Variants in AFDN observed in about 807,000 individuals in gnomAD.
The protein encoded by AFDN is afadin.
AFDN carries 68 observed loss-of-function variants against 216.6 expected under a neutral mutation model. The ratio of observed to expected loss-of-function variants is 0.31; its 90% CI spans 0.26 to 0.38. The LOEUF is 0.38. Ranked by LOEUF, AFDN falls within the 10% of genes least tolerant of loss-of-function variation. The pLI, the probability that AFDN is intolerant of heterozygous loss-of-function variation, is 1.00. For missense variants in AFDN, 2,136 were observed against 2,342.0 expected (o/e 0.91, Z 1.82); for synonymous variants, 868 against 853.7 (o/e 1.02, Z -0.29).
intron 10 of AFDN, 109 bp from the exon 11 acceptor site, chr6:167,898,096 C>A: frequency 8.4e-7 from 1 of 1,193,236 alleles, no homozygotes; most frequent in Non-Finnish European, 1.2e-6. Flanking sequence ...AAATCCAGAG[C>A]TTATTAGGTT....
rs1160408611 is a variant in AFDN at position 167,946,830 on chromosome 6, C to T, written c.3482C>T (p.Pro1161Leu). 1 of 1,612,544 alleles carries T rather than the reference C, an allele frequency of 6.2e-7. No homozygotes were observed. The highest frequency in any genetic ancestry group is 1.7e-5 in the Admixed American group (1 of 59,642). ...CTGCCTTGGGCAGAATATAGTGAAC[C>T]AAAGAAATTGCCTGGTGATGACAGA... is the stretch of plus-strand genomic sequence containing the variant. ...PQLPWAEYSEPKKLPGDDRLM... is the reference protein window; with the variant it reads ...PQLPWAEYSELKKLPGDDRLM... The change falls in exon 27 of 34, where the codon CCA (proline) becomes CTA (leucine). Residue 1161 changes from proline to leucine, a missense_variant. Coordinates refer to ENST00000683244, the MANE Select transcript of AFDN (RefSeq NM_001386888.1).
chr6:167,864,163 G>A (rs1040561707), intron 1 of AFDN, among the ~76,000 whole-genome samples: 2 of 152,034 alleles, frequency 1.3e-5, no homozygotes, highest in African/African-American at 4.8e-5. Flanking sequence ...CTCGAGCACC[G>A]AACTCAACTC....
At chr6:167,967,744 G>A (rs1562359020) in intron 32 of AFDN, among the ~76,000 whole-genome samples, 1 of 152,212 alleles carries the variant, frequency 6.6e-6, no homozygotes, top group East Asian at 1.9e-4. Context: ...CCTCTTTGAA[G>A]ACTTCTTCGT....
intron 17 of AFDN, 55 bp from the exon 18 acceptor site, chr6:167,914,589 C>A: frequency 7.9e-7 from 1 of 1,272,308 alleles, no homozygotes. Flanking sequence ...GATAACATGT[C>A]TGACAATAGC....
chr6:167,864,489 C>CA (rs1783955582), intron 1 of AFDN, 62 bp from the exon 2 acceptor site: 1 of 1,462,972 alleles, frequency 6.8e-7, no homozygotes. Flanking sequence ...TTTATTATTA[C>CA]AAAAAGTGAA....
At chr6:167,866,764 G>A (rs982589707) in intron 2 of AFDN, among the ~76,000 whole-genome samples, 1 of 152,166 alleles carries the variant, frequency 6.6e-6, no homozygotes. Context: ...CAGAAGAGAC[G>A]CTGTGCAGTT....
chr6:167,874,559 T>TA (rs898859559), intron 4 of AFDN, among the ~76,000 whole-genome samples: 9 of 151,340 alleles, frequency 5.9e-5, no homozygotes, highest in Non-Finnish European at 8.9e-5. Context: ...TTTTAGGTGT[T>TA]AAAAAAAATC....
At chr6:167,842,717 A>G (rs1023105676) in intron 1 of AFDN, among the ~76,000 whole-genome samples, 3 of 152,132 alleles carry the variant, frequency 2.0e-5, no homozygotes, top group African/African-American at 7.2e-5. Context: ...TCTGGACTGC[A>G]TATTTCTAGG....
At chr6:167,841,037 C>CT (rs1213384259) in intron 1 of AFDN, among the ~76,000 whole-genome samples, 1 of 152,012 alleles carries the variant, frequency 6.6e-6, no homozygotes, top group African/African-American at 2.4e-5. Flanking sequence ...AAGGCCTGAA[C>CT]TAAGGTAACA....
chr6:167,960,368 G>A (rs914322345), intron 30 of AFDN, among the ~76,000 whole-genome samples: 1 of 149,740 alleles, frequency 6.7e-6, no homozygotes, highest in Non-Finnish European at 1.5e-5. Flanking sequence ...AGAAGAAAAT[G>A]CCTGTTTTTA....
At chr6:167,829,098 T>C (rs1779540160) in intron 1 of AFDN, among the ~76,000 whole-genome samples, 1 of 152,198 alleles carries the variant, frequency 6.6e-6, no homozygotes, top group Admixed American at 6.5e-5. Flanking sequence ...AAAGATGATA[T>C]ATTTCATTTC....
chr6:167,858,926 A>G (rs1407339320), intron 1 of AFDN, among the ~76,000 whole-genome samples: 2 of 152,148 alleles, frequency 1.3e-5, no homozygotes, highest in East Asian at 1.9e-4. Flanking sequence ...TTCTAAGGTA[A>G]TGGAATTAGT....
intron 10 of AFDN, 133 bp downstream of exon 10, chr6:167,897,105 ACT>A (rs2128378229): frequency 2.2e-6 from 1 of 453,114 alleles, no homozygotes; most frequent in East Asian, 3.5e-5. Flanking sequence ...TAATTTATCT[ACT>A]CTGGGTCACT....
chr6:167,831,680 G>A lies in AFDN; in HGVS notation c.105+4443G>A, dbSNP rs147508536. Among the ~76,000 whole-genome samples, 1,108 of 152,222 alleles carry A rather than the reference G, an allele frequency of 7.3e-3. 5 individuals carry two copies. The highest frequency in any genetic ancestry group is 0.012 in the Non-Finnish European group (809 of 68,012). ...TAATAGTGGCAGACTAGCAGAAGTG[G>A]GTCTTTCATATTCTTGAAAAACAGG... is the stretch of plus-strand genomic sequence containing the variant. On this transcript the variant is annotated intron_variant, in intron 1 of 33. Transcript: ENST00000683244.
chr6:167,827,025 A>G lies in AFDN; in HGVS notation c.-108A>G. On this transcript the variant is annotated 5_prime_UTR_variant, in exon 1 of 34. Transcript: ENST00000683244. ...GAGGCGGAGGCAGCCGCGGAGGCGG[A>G]GGCGGCCGGCGGGGGGTGGCGAGGG... is the stretch of plus-strand genomic sequence containing the variant. 1 of 332,812 alleles carries G rather than the reference A, an allele frequency of 3.0e-6. No individual in the cohort carries two copies. Among genetic ancestry groups the G allele is most frequent in the Non-Finnish European group, 4.3e-6 (1 of 235,146 alleles). 20.6% of individuals were successfully genotyped at this position (332,812 alleles called of 1,614,324 possible). A position where few individuals can be genotyped will look rare whatever the true frequency, so the allele number is the denominator to read the frequency against.
At chr6:167,901,564 A>C (rs1219776600) in intron 11 of AFDN, among the ~76,000 whole-genome samples, 8 of 152,128 alleles carry the variant, frequency 5.3e-5, no homozygotes, top group African/African-American at 1.9e-4. Context: ...CCACTTTTTA[A>C]TTTGTAGCCT....
chr6:167,838,066 C>T (rs779480578), intron 1 of AFDN, among the ~76,000 whole-genome samples: 1 of 152,138 alleles, frequency 6.6e-6, no homozygotes, highest in Non-Finnish European at 1.5e-5. Context: ...ATAGTAGATT[C>T]TGTGTTTTGT....
chr6:167,920,218 G>A (rs2128490764), intron 21 of AFDN, among the ~76,000 whole-genome samples: 1 of 152,232 alleles, frequency 6.6e-6, no homozygotes, highest in South Asian at 2.1e-4. Context: ...AGTCTTGGTA[G>A]AGGTGCACCT....
At chr6:167,939,567 T>C (rs1241094073) in intron 23 of AFDN, among the ~76,000 whole-genome samples, 1 of 152,164 alleles carries the variant, frequency 6.6e-6, no homozygotes, top group Non-Finnish European at 1.5e-5. Context: ...ACGGCAAAGG[T>C]GTTTGTCTGG....
Sources: gnomAD v4.1 joint callset for allele counts (sites outside exome capture counted in the v4.1 genomes callset) on GRCh38, gnomAD v4.1.1 for gene constraint, MANE v1.5 for transcripts, NCBI Gene and HGNC (gene_info 2026-07-23, HGNC 2026-07-21) for gene names.